The following DAB1 variants were observed in gnomAD, a reference collection of about 807,000 sequenced individuals.
The protein encoded by DAB1 is disabled homolog 1.
Under a neutral mutation model 64.6 loss-of-function variants are expected in DAB1, and 15 were observed. That is an observed-to-expected ratio of 0.23 (90% confidence interval 0.16 to 0.36). The LOEUF (loss-of-function observed/expected upper bound fraction) is 0.36, where lower values mean the gene tolerates loss of function less well. Among genes scored for constraint, DAB1 ranks in the 10% least tolerant of loss-of-function variants. The pLI is 1.00. For synonymous variants in DAB1, 235 were observed against 251.9 expected (o/e 0.93, Z 0.64); for missense variants, 596 against 706.7 (o/e 0.84, Z 1.78).
At chr1:57,435,207 C>A (rs943994723) in intron 7 of DAB1, among the ~76,000 whole-genome samples, 2 of 151,698 alleles carry the variant, frequency 1.3e-5, no homozygotes, top group Admixed American at 1.3e-4. Flanking sequence ...TGCCACCACG[C>A]CCGGTTAATT....
chr1:57,986,731 C>A (rs527941715), intron 5 of DAB1, among the ~76,000 whole-genome samples: 1 of 152,316 alleles, frequency 6.6e-6, no homozygotes, highest in African/African-American at 2.4e-5. Context: ...AAAGTCATTT[C>A]TTGAGACTAA....
At chr1:58,373,786 G>A (rs920876700) in intron 3 of DAB1, among the ~76,000 whole-genome samples, 6 of 151,462 alleles carry the variant, frequency 4.0e-5, no homozygotes, top group Admixed American at 3.9e-4. Flanking sequence ...CTAGTTTACA[G>A]TCCCACCAAC....
intron 1 of DAB1, among the ~76,000 whole-genome samples, chr1:58,528,070 T>C (rs1646379369): frequency 1.3e-5 from 2 of 152,250 alleles, no homozygotes; most frequent in South Asian, 4.1e-4. Context: ...ATGTCTGTGA[T>C]GGCCTGAAAT....
At chr1:57,099,932 G>A (rs1654515421) in intron 4 of DAB1, among the ~76,000 whole-genome samples, 1 of 152,198 alleles carries the variant, frequency 6.6e-6, no homozygotes, top group Admixed American at 6.5e-5. Flanking sequence ...TAAGAACTGA[G>A]AGCGTTGGCT....
At chr1:58,184,071 GA>G (rs1308223262) in intron 4 of DAB1, among the ~76,000 whole-genome samples, 1 of 151,956 alleles carries the variant, frequency 6.6e-6, no homozygotes, top group Non-Finnish European at 1.5e-5. Context: ...AGCCATTATA[GA>G]AGAACCCTAT....
chr1:57,737,369 C>T (rs1647746082), intron 6 of DAB1, among the ~76,000 whole-genome samples: 2 of 152,214 alleles, frequency 1.3e-5, no homozygotes, highest in African/African-American at 4.8e-5. Flanking sequence ...AACATGAGTT[C>T]TAGAGCCACT....
At chr1:57,520,327 C>T (rs1383352800) in intron 7 of DAB1, among the ~76,000 whole-genome samples, 1 of 152,136 alleles carries the variant, frequency 6.6e-6, no homozygotes, top group Non-Finnish European at 1.5e-5. Context: ...TACCAATAAG[C>T]TACCAGTTTC....
intron 7 of DAB1, among the ~76,000 whole-genome samples, chr1:57,583,279 T>C (rs957369858): frequency 3.8e-4 from 57 of 149,770 alleles, no homozygotes; most frequent in African/African-American, 1.2e-3. Flanking sequence ...GTTTCTTGTT[T>C]TTTTTCTTTT....
intron 5 of DAB1, among the ~76,000 whole-genome samples, chr1:58,001,181 C>A (rs139576288): frequency 6.6e-6 from 1 of 152,034 alleles, no homozygotes; most frequent in Non-Finnish European, 1.5e-5. Flanking sequence ...CCCTCACTTG[C>A]TCCATCTCTC....
Position 57,556,969 on chromosome 1 carries a change from C to T in DAB1, n.625+92623G>A, listed in dbSNP as rs181959979. On this transcript the variant is annotated intron_variant and non_coding_transcript_variant, in intron 7 of 20. Coordinates refer to the DAB1 transcript ENST00000485760. ...ATTTTTTTGTATAAGGTGAGAGACA[C>T]GTGGCATGCCAATTATCCCAGCACT... Among the ~76,000 whole-genome samples the T allele has an allele frequency of 1.8e-3, 270 of 152,140 alleles. 1 individual carries two copies. Among genetic ancestry groups the T allele is most frequent in the African/African-American group, 4.9e-3 (202 of 41,514 alleles).
intron 4 of DAB1, among the ~76,000 whole-genome samples, chr1:58,162,872 G>A (rs900149699): frequency 6.6e-6 from 1 of 152,180 alleles, no homozygotes; most frequent in Admixed American, 6.5e-5. Context: ...CTCTAGGTCA[G>A]TGGTTCTAAA....
At chr1:58,541,941 T>C (rs376262770) in intron 1 of DAB1, among the ~76,000 whole-genome samples, 1 of 152,192 alleles carries the variant, frequency 6.6e-6, no homozygotes, top group East Asian at 1.9e-4. Context: ...AAAATCTTCA[T>C]ATAAAAGTTG....
rs869204611 is a variant in DAB1 at position 58,180,281 on chromosome 1, C to CTTTTTT, written n.310-29699_310-29694dup. On this transcript the variant is annotated intron_variant and non_coding_transcript_variant, in intron 4 of 20. Transcript: ENST00000485760. ...CTTTCTTTTTTCTTTTTTTTCTTTT[C>CTTTTTT]TTTTTTTTTTTTTTTTTTTTTTTTT... Among the ~76,000 whole-genome samples the CTTTTTT allele has an allele frequency of 4.8e-3, 290 of 61,032 alleles. 5 individuals carry two copies. The highest frequency in any genetic ancestry group is 0.019 in the Middle Eastern group (1 of 52). The allele number at this position is 61,032 out of a possible 152,430, so 40.0% of individuals were successfully genotyped here. A position where few individuals can be genotyped will look rare whatever the true frequency, so the allele number is the denominator to read the frequency against.
At chr1:57,042,841 G>C (rs572760492) in intron 9 of DAB1, among the ~76,000 whole-genome samples, 2 of 151,242 alleles carry the variant, frequency 1.3e-5, no homozygotes, top group Non-Finnish European at 2.9e-5. Context: ...ACATACACAC[G>C]ATCACACACA....
In DAB1 at chr1:58,091,668, T is replaced by C. The variant is rs529127361; in HGVS notation, n.387+58843A>G. On this transcript the variant is annotated intron_variant and non_coding_transcript_variant, in intron 5 of 20. Coordinates refer to the DAB1 transcript ENST00000485760. Reference sequence around the variant, plus strand: ...TTCCAGACTCAGCTCCCCATAATCCTTCACTCACATCCTGCACATCAACTG... The same window carrying C: ...TTCCAGACTCAGCTCCCCATAATCCCTCACTCACATCCTGCACATCAACTG... Among the ~76,000 whole-genome samples the C allele has an allele frequency of 6.6e-5, 10 of 152,136 alleles. No homozygotes were observed. In the East Asian group the frequency reaches 1.5e-3, roughly 24 times the overall value.
chr1:58,276,669 G>C (rs2100435053), intron 4 of DAB1, among the ~76,000 whole-genome samples: 1 of 152,300 alleles, frequency 6.6e-6, no homozygotes, highest in Non-Finnish European at 1.5e-5. Context: ...GAAGGGTCTA[G>C]AGTCCTCTTA....
At chr1:57,466,665 G>A (rs1686963552) in intron 7 of DAB1, among the ~76,000 whole-genome samples, 1 of 152,162 alleles carries the variant, frequency 6.6e-6, no homozygotes, top group Non-Finnish European at 1.5e-5. Context: ...TCAAGATGTT[G>A]ACGGGGCTGG....
At chr1:57,219,903 C>T (rs192922493) in intron 2 of DAB1, among the ~76,000 whole-genome samples, 90 of 152,220 alleles carry the variant, frequency 5.9e-4, no homozygotes, top group Middle Eastern at 3.4e-3. Flanking sequence ...AAAGCTGGGC[C>T]GAGACCCCTG....
intron 1 of DAB1, among the ~76,000 whole-genome samples, chr1:57,421,872 A>G (rs1168054449): frequency 1.1e-5 from 1 of 90,684 alleles, no homozygotes; most frequent in Non-Finnish European, 2.1e-5. Context: ...AAGCCTTGTC[A>G]GGATAGGGAG....
Sources: gnomAD v4.1 joint callset for allele counts (sites outside exome capture counted in the v4.1 genomes callset) on GRCh38, gnomAD v4.1.1 for gene constraint, MANE v1.5 for transcripts, NCBI Gene and HGNC (gene_info 2026-07-23, HGNC 2026-07-21) for gene names.